The following TAAR5 variants were observed in gnomAD, a reference collection of about 807,000 sequenced individuals.
TAAR5 encodes trace amine associated receptor 5.
TAAR5 carries 27 observed loss-of-function variants against 21.1 expected under a neutral mutation model. The ratio of observed to expected loss-of-function variants is 1.28; its 90% CI spans 0.94 to 1.76. The LOEUF (loss-of-function observed/expected upper bound fraction) is 1.76, where lower values mean the gene tolerates loss of function less well. Among genes scored for constraint, TAAR5 ranks in the 40% most tolerant of loss-of-function variants. TAAR5 has a pLI of 0.00. For synonymous variants in TAAR5, 203 were observed against 167.5 expected (o/e 1.21, Z -1.64); for missense variants, 495 against 405.6 (o/e 1.22, Z -1.89).
At chr6:132,592,736 T>C (rs1218296765), upstream of TAAR5, among the ~76,000 whole-genome samples, 3 of 152,200 alleles carry the variant, frequency 2.0e-5, no homozygotes, top group African/African-American at 7.2e-5. Flanking sequence ...TCTGCCATAA[T>C]TGTAAATTCC....
At chr6:132,611,628 G>A in the TAAR5 span, among the ~76,000 whole-genome samples, 1 of 152,076 alleles carries the variant, frequency 6.6e-6, no homozygotes, top group Admixed American at 6.6e-5. Flanking sequence ...TCAGGATAGG[G>A]TACCCCAAAA....
chr6:132,595,140 C>A, the TAAR5 span: 5 of 152,828 alleles, frequency 3.3e-5, no homozygotes, highest in African/African-American at 1.2e-4. Context: ...CTCCAAAATA[C>A]CAGCAGGACT....
chr6:132,596,693 T>C, the TAAR5 span, among the ~76,000 whole-genome samples: 1 of 152,144 alleles, frequency 6.6e-6, no homozygotes, highest in Non-Finnish European at 1.5e-5. Flanking sequence ...TATTAAACAA[T>C]TAAGTTGTAC....
At position 132,589,148 on chromosome 6, in the gene TAAR5, C is replaced by T. The variant is rs1179449356; in HGVS notation, c.539G>A (p.Ser180Asn). Residue 180 changes from serine (S) to asparagine (N), a missense_variant, in exon 1 of 1, where the codon AGC becomes AAC. Physicochemically the swap from Ser to Asn is conservative, Grantham distance 46. Transcript: ENST00000258034. ...ACAAGGCATCTCTTCCAGCCACTGG[C>T]TGAGCCTTGTCTCTACCACATCTGT... ...LYTDVVETRLSQWLEEMPCVG... is the reference protein window; with the variant it reads ...LYTDVVETRLNQWLEEMPCVG... The T allele has an allele frequency of 6.2e-7, 1 of 1,610,930 alleles. No homozygotes were observed. The highest frequency in any genetic ancestry group is 1.3e-5 in the African/African-American group (1 of 74,930).
the TAAR5 span, among the ~76,000 whole-genome samples, chr6:132,604,581 A>G: frequency 6.6e-6 from 1 of 152,198 alleles, no homozygotes; most frequent in South Asian, 2.1e-4. Context: ...TGAATGACTA[A>G]CTGAGGAGGC....
the TAAR5 span, among the ~76,000 whole-genome samples, chr6:132,609,603 A>T: frequency 0.43 from 65,372 of 151,968 alleles, 17,155 homozygotes; most frequent in African/African-American, 0.74. Context: ...TGGTAAGGAA[A>T]TGGGAGATTT....
chr6:132,588,961 C>T lies in TAAR5; in HGVS notation c.726G>A (p.Gly242=). 1 of 1,614,050 alleles carries T rather than the reference C, an allele frequency of 6.2e-7. No homozygotes were observed. The highest frequency in any genetic ancestry group is 1.7e-4 in the Middle Eastern group (1 of 6,060). ...CAGCTTTTCTCTCATGCTTGGCAGC[C>T]CCAGCCAGGCTTTTGCTCAATGTGG... ...QITTLSKSLA[G]AAKHERKAAK... Residue 242 remains glycine, a synonymous_variant, in exon 1 of 1, where the codon GGG becomes GGA. Transcript: ENST00000258034.
chr6:132,588,733 G>A lies in TAAR5; in HGVS notation c.954C>T (p.Leu318=). The change falls in exon 1 of 1, where the codon CTC becomes CTT. Residue 318 remains leucine, a synonymous_variant. Transcript: ENST00000258034. ...GTGAGAAGACCTTCTGGCTCAGTGT[G>A]AGTTTCAGTGCCTTCCGAAACCACT... is the stretch of plus-strand genomic sequence containing the variant. ...SYQWFRKALK[L]TLSQKVFSPQ... is the part of the protein sequence containing the mutation. The A allele has an allele frequency of 6.2e-7, 1 of 1,614,038 alleles. No homozygotes were observed. The highest frequency in any genetic ancestry group is 1.1e-5 in the South Asian group (1 of 91,072).
chr6:132,596,358 G>A, the TAAR5 span, among the ~76,000 whole-genome samples: 6 of 152,078 alleles, frequency 3.9e-5, no homozygotes, highest in Admixed American at 1.3e-4. Flanking sequence ...TTCCAGTGCC[G>A]GAGCTGGATG....
chr6:132,588,718 C>T lies in TAAR5; in HGVS notation c.969G>A (p.Lys323=). ...RKALKLTLSQ[K]VFSPQTRTVD... ...CAGTGCGTGTCTGCGGTGAGAAGACCTTCTGGCTCAGTGTGAGTTTCAGTG... is the reference window on the plus strand; with the variant it reads ...CAGTGCGTGTCTGCGGTGAGAAGACTTTCTGGCTCAGTGTGAGTTTCAGTG... Residue 323 remains lysine, a synonymous_variant, in exon 1 of 1, where the codon AAG becomes AAA. Coordinates refer to ENST00000258034, the MANE Select transcript of TAAR5 (RefSeq NM_003967.3). 1.9e-6 allele frequency: 3 copies of T among 1,613,892 alleles called. No individual in the cohort carries two copies. The highest frequency in any genetic ancestry group is 1.1e-5 in the South Asian group (1 of 91,066).
At chr6:132,600,949 G>A in the TAAR5 span, among the ~76,000 whole-genome samples, 1 of 73,362 alleles carries the variant, frequency 1.4e-5, no homozygotes, top group Non-Finnish European at 2.5e-5. Flanking sequence ...AGGAGGGAAA[G>A]AAAGAAGGAG....
At chr6:132,601,426 C>A in the TAAR5 span, among the ~76,000 whole-genome samples, 1 of 152,192 alleles carries the variant, frequency 6.6e-6, no homozygotes, top group Non-Finnish European at 1.5e-5. Context: ...TTCTAGCTTA[C>A]CATTGTGTTC....
At chr6:132,602,695 A>G in the TAAR5 span, among the ~76,000 whole-genome samples, 4 of 150,948 alleles carry the variant, frequency 2.6e-5, no homozygotes, top group Admixed American at 1.3e-4. Context: ...AAGTTTGTGA[A>G]GGCTTGGAAT....
the TAAR5 span, among the ~76,000 whole-genome samples, chr6:132,615,678 A>C: frequency 3.9e-5 from 6 of 152,222 alleles, no homozygotes; most frequent in African/African-American, 1.2e-4. Context: ...TCACTCTGTC[A>C]TCCTCACTAG....
At chr6:132,599,423 G>T in the TAAR5 span, among the ~76,000 whole-genome samples, 1 of 148,074 alleles carries the variant, frequency 6.8e-6, no homozygotes, top group Non-Finnish European at 1.5e-5. Context: ...TCACCTCCTG[G>T]GTTCAAGTGA....
At chr6:132,597,342 G>T in the TAAR5 span, among the ~76,000 whole-genome samples, 1 of 152,050 alleles carries the variant, frequency 6.6e-6, no homozygotes, top group Admixed American at 6.6e-5. Flanking sequence ...AATTGTTAAG[G>T]TAATGTCAAA....
the TAAR5 span, among the ~76,000 whole-genome samples, chr6:132,598,124 CCAAA>C: frequency 6.6e-6 from 1 of 152,048 alleles, no homozygotes; most frequent in Non-Finnish European, 1.5e-5. Flanking sequence ...GTTACATAGC[CCAAA>C]CAATCTACTT....
At chr6:132,603,787 T>G in the TAAR5 span, among the ~76,000 whole-genome samples, 1 of 152,166 alleles carries the variant, frequency 6.6e-6, no homozygotes, top group Non-Finnish European at 1.5e-5. Context: ...AAGTTTACAA[T>G]TTAAGTATTA....
chr6:132,608,103 T>C, the TAAR5 span: 3 of 344,514 alleles, frequency 8.7e-6, no homozygotes, highest in Non-Finnish European at 1.7e-5. Context: ...ACCTCTTGTG[T>C]AGGTGATAGA....
Sources: allele counts gnomAD v4.1 joint callset (sites outside exome capture counted in the v4.1 genomes callset), GRCh38; gene constraint gnomAD v4.1.1; transcripts MANE v1.5; gene names NCBI Gene and HGNC (gene_info 2026-07-23, HGNC 2026-07-21).